UACA: variants seen among roughly 807,000 people sequenced by gnomAD.
UACA encodes the protein uveal autoantigen with coiled-coil domains and ankyrin repeats.
UACA carries 112 observed loss-of-function variants against 160.5 expected under a neutral mutation model. The ratio of observed to expected loss-of-function variants is 0.70; its 90% CI spans 0.60 to 0.82. The LOEUF (loss-of-function observed/expected upper bound fraction) is 0.82. Among genes scored for constraint, UACA ranks in the 40% least tolerant of loss-of-function variants. The probability of loss-of-function intolerance (pLI) is 0.00; values close to 1 mark genes in which losing one functional copy is unlikely to be tolerated. For synonymous variants in UACA, 557 were observed against 568.4 expected, an observed-to-expected ratio of 0.98 and a Z score of 0.29; for missense variants, 1,574 against 1,614.6, an observed-to-expected ratio of 0.97 and a Z score of 0.43.
chr15:70,688,409 A>T (rs1035861498), intron 5 of UACA, among the ~76,000 whole-genome samples: 1 of 152,136 alleles, frequency 6.6e-6, no homozygotes, highest in African/African-American at 2.4e-5. Context: ...TATGTTTACA[A>T]TCCCCATGAA....
At chr15:70,756,804 C>T (rs937848706) in intron 1 of UACA, among the ~76,000 whole-genome samples, 32 of 152,094 alleles carry the variant, frequency 2.1e-4, no homozygotes. Context: ...ACCCGGGAGG[C>T]GGAGGTTGCA....
intron 1 of UACA, among the ~76,000 whole-genome samples, chr15:70,736,284 G>A (rs1179857797): frequency 6.6e-6 from 1 of 152,134 alleles, no homozygotes; most frequent in Non-Finnish European, 1.5e-5. Context: ...GCACGAGTAA[G>A]TAGTTTCCAT....
chr15:70,725,341 C>T (rs1899112881), intron 1 of UACA, among the ~76,000 whole-genome samples: 1 of 151,926 alleles, frequency 6.6e-6, no homozygotes. Flanking sequence ...CTATATGTGC[C>T]CTCCCTCCCA....
In UACA at chr15:70,668,651, A is replaced by G. The variant is rs764438751; in HGVS notation, c.2033T>C (p.Leu678Pro). The G allele has an allele frequency of 4.3e-6, 7 of 1,614,096 alleles. No individual in the cohort carries two copies. The Admixed American group carries it at 1.2e-4, about 27-fold the overall frequency. ...TTCCTCTGGTTTGACGTGCTGAGCA[A>G]GCTTGGCCTTAACATTCTCAAGTTC... ...KRELENVKAK[L>P]AQHVKPEEHE... The change falls in exon 16 of 19, where the codon CTT becomes CCT. Residue 678 changes from leucine to proline, a missense_variant. By Grantham distance (98) the Leu-to-Pro change is moderately conservative. Coordinates refer to ENST00000322954, the MANE Select transcript of UACA (RefSeq NM_018003.4).
chr15:70,750,738 G>A (rs2029997668), intron 1 of UACA, among the ~76,000 whole-genome samples: 1 of 152,152 alleles, frequency 6.6e-6, no homozygotes, highest in Non-Finnish European at 1.5e-5. Context: ...AGGCATGGTG[G>A]CGTATGCCTG....
At chr15:70,772,182 T>C in the UACA span, among the ~76,000 whole-genome samples, 1 of 152,094 alleles carries the variant, frequency 6.6e-6, no homozygotes, top group Non-Finnish European at 1.5e-5. Flanking sequence ...GAGTAAGACA[T>C]TAAGAATCTA....
Position 70,656,993 on chromosome 15 carries a change from A to C in UACA, c.*63T>G, listed in dbSNP as rs1896491805. ...ACAGTAAGGCCCAGAAAGACCATGG[A>C]GTTGCACAAAGAATGTTCAGCACCA... On this transcript the variant is annotated 3_prime_UTR_variant, in exon 19 of 19. Transcript: ENST00000322954. 1 of 1,315,700 alleles carries C rather than the reference A, an allele frequency of 7.6e-7. No individual in the cohort carries two copies. The highest frequency in any genetic ancestry group is 2.3e-5 in the East Asian group (1 of 43,470). 81.5% of individuals were successfully genotyped at this position (1,315,700 alleles called of 1,614,324 possible).
rs764731158 is a variant in UACA at position 70,667,474 on chromosome 15, T to C, written c.3210A>G (p.Lys1070=). 2 of 1,610,312 alleles carry C rather than the reference T, an allele frequency of 1.2e-6. No individual in the cohort carries two copies. The highest frequency in any genetic ancestry group is 3.4e-5 in the Admixed American group (2 of 59,586). The change falls in exon 16 of 19, where the codon AAA becomes AAG. Residue 1070 remains lysine, a synonymous_variant. Coordinates refer to ENST00000322954, the MANE Select transcript of UACA (RefSeq NM_018003.4). ...ATTTCTGTGACAAGTCTTTTAACTG[T>C]TTGTTTAGCTCGTCTGTTTTTCTGC... ...ALSRKTDELN[K]QLKDLSQKYT...
chr15:70,666,613 G>T, intron 16 of UACA, 111 bp downstream of exon 16: 3 of 868,184 alleles, frequency 3.5e-6, no homozygotes, highest in East Asian at 3.1e-5. Context: ...TTGCTAAACT[G>T]GAAAGGGTCA....
At chr15:70,763,701 G>A (rs2030920833), upstream of UACA, 1 of 376,628 alleles carries the variant, frequency 2.7e-6, no homozygotes, top group South Asian at 1.3e-4. Context: ...CCCAGCTGGA[G>A]GAAAAGTTTG....
Position 70,686,830 on chromosome 15 carries a change from T to C in UACA, c.602+710A>G, listed in dbSNP as rs1304156402. Among the ~76,000 whole-genome samples the C allele has an allele frequency of 2.0e-5, 3 of 152,152 alleles. No individual in the cohort carries two copies. The East Asian group carries it at 5.8e-4, about 29-fold the overall frequency. On this transcript the variant is annotated intron_variant, in intron 7 of 18. Coordinates refer to ENST00000322954, the MANE Select transcript of UACA (RefSeq NM_018003.4). ...AGTTTAATTTATTGTAATACTTGAA[T>C]TAAATGGAAGGGGTGTGTTTCAGAT... is the stretch of plus-strand genomic sequence containing the variant.
At chr15:70,716,134 AAT>A (rs1898814597) in intron 1 of UACA, among the ~76,000 whole-genome samples, 1 of 152,110 alleles carries the variant, frequency 6.6e-6, no homozygotes, top group Admixed American at 6.5e-5. Flanking sequence ...TGACAAATAC[AAT>A]GTGGCAGAAG....
intron 1 of UACA, among the ~76,000 whole-genome samples, chr15:70,711,609 G>A (rs1301739532): frequency 1.3e-5 from 2 of 152,044 alleles, no homozygotes; most frequent in Non-Finnish European, 2.9e-5. Flanking sequence ...ATAGTGCCAA[G>A]CCCCATTTAC....
At chr15:70,748,363 CAT>C (rs1384793184) in intron 1 of UACA, among the ~76,000 whole-genome samples, 3 of 151,940 alleles carry the variant, frequency 2.0e-5, no homozygotes, top group Non-Finnish European at 4.4e-5. Flanking sequence ...CAAGGACAAA[CAT>C]GGGTGACACA....
intron 7 of UACA, among the ~76,000 whole-genome samples, 190 bp from the exon 8 acceptor site, chr15:70,684,636 C>A (rs1333549296): frequency 6.6e-6 from 1 of 151,728 alleles, no homozygotes; most frequent in Non-Finnish European, 1.5e-5. Context: ...GGGAGATGAA[C>A]CAATACTGTT....
rs935534933 is a variant in UACA, at chr15:70,752,581, T to C, written c.78+10749A>G. ...CTCTAGAGCTCTCTTGGAATGTCTC[T>C]CTCTAGTAAAGAGAAAATGTCACAA... is the stretch of plus-strand genomic sequence containing the variant. On this transcript the variant is annotated intron_variant, in intron 1 of 18. Transcript: ENST00000322954. Among the ~76,000 whole-genome samples the C allele has an allele frequency of 2.6e-5, 4 of 151,852 alleles. No individual in the cohort carries two copies. In the South Asian group the frequency reaches 8.3e-4, roughly 32 times the overall value.
intron 1 of UACA, among the ~76,000 whole-genome samples, chr15:70,737,515 T>A (rs1899405855): frequency 6.6e-6 from 1 of 152,160 alleles, no homozygotes; most frequent in Non-Finnish European, 1.5e-5. Flanking sequence ...AAGACCAGCC[T>A]GGTCAACACG....
At chr15:70,671,917 T>C (rs1468895505) in intron 14 of UACA, 48 bp downstream of exon 14, 27 of 1,487,230 alleles carry the variant, frequency 1.8e-5, no homozygotes, top group Non-Finnish European at 2.5e-5. Flanking sequence ...CATTCTTCTT[T>C]ACTTGAACTA....
chr15:70,737,350 A>G (rs183069258), intron 1 of UACA, among the ~76,000 whole-genome samples: 11 of 152,350 alleles, frequency 7.2e-5, no homozygotes, highest in Admixed American at 2.6e-4. Context: ...TCTAAGTCTT[A>G]AATTTTATAT....
Sources: allele counts gnomAD v4.1 joint callset (sites outside exome capture counted in the v4.1 genomes callset), GRCh38; gene constraint gnomAD v4.1.1; transcripts MANE v1.5; gene names NCBI Gene and HGNC (gene_info 2026-07-23, HGNC 2026-07-21).